The following NCAPD3 variants were observed in gnomAD, a reference collection of about 807,000 sequenced individuals.
NCAPD3 encodes the protein condensin-2 complex subunit D3.
Under a neutral mutation model 182.9 loss-of-function variants are expected in NCAPD3, and 105 were observed. That is an observed-to-expected ratio of 0.57 (90% CI 0.49 to 0.68). The LOEUF (loss-of-function observed/expected upper bound fraction) is 0.68, where lower values mean the gene tolerates loss of function less well. NCAPD3 is among the 30% of genes least tolerant of loss of function. NCAPD3 has a pLI of 0.00. For missense variants in NCAPD3, 1,944 were observed against 1,837.0 expected (o/e 1.06, Z -1.07); for synonymous variants, 815 against 679.9 (o/e 1.20, Z -3.09).
chr11:134,181,334 A>T, intron 19 of NCAPD3, 150 bp from the exon 20 acceptor site: 1 of 590,488 alleles, frequency 1.7e-6, no homozygotes, highest in Admixed American at 3.0e-5. Flanking sequence ...ATTTGTCCAA[A>T]ACCACAATGA....
At chr11:134,192,936 G>A in intron 15 of NCAPD3, 27 bp from the exon 16 acceptor site, 3 of 1,347,514 alleles carry the variant, frequency 2.2e-6, no homozygotes, top group Non-Finnish European at 3.2e-6. Context: ...TATGACATGA[G>A]AAGGTCTAAA....
chr11:134,178,804 T>C lies in NCAPD3; in HGVS notation c.2674+18A>G, dbSNP rs766439411. Reference sequence around the variant, plus strand: ...GAAACGGCATGCGTGCTACAGAGTATGATTTCAAATGCCTTACAGTGGTCA... The same window carrying C: ...GAAACGGCATGCGTGCTACAGAGTACGATTTCAAATGCCTTACAGTGGTCA... On this transcript the variant is annotated intron_variant, in intron 21 of 34. Coordinates refer to ENST00000534548, the MANE Select transcript of NCAPD3 (RefSeq NM_015261.3). 50 of 1,613,246 alleles carry C rather than the reference T, an allele frequency of 3.1e-5. No homozygotes were observed. The highest frequency in any genetic ancestry group is 4.0e-5 in the African/African-American group (3 of 74,874).
chr11:134,172,262 C>T lies in NCAPD3; in HGVS notation c.3102-3208G>A, dbSNP rs75890133. 4.2e-3 allele frequency among the ~76,000 whole-genome samples: 641 copies of T among 152,310 alleles called. 4 individuals carry two copies. Among genetic ancestry groups the T allele is most frequent in the African/African-American group, 0.015 (615 of 41,570 alleles). ...CCCCATGCAGATGAGCTACTGAATGCCCTAACTTTCTGCTTTCCTGACTTC... is the reference window on the plus strand; with the variant it reads ...CCCCATGCAGATGAGCTACTGAATGTCCTAACTTTCTGCTTTCCTGACTTC... On this transcript the variant is annotated intron_variant, in intron 24 of 34. Transcript: ENST00000534548.
intron 24 of NCAPD3, among the ~76,000 whole-genome samples, chr11:134,175,358 G>A (rs538400953): frequency 2.6e-5 from 4 of 152,308 alleles, no homozygotes; most frequent in East Asian, 1.9e-4. Context: ...AGGTAAGAGG[G>A]TGTGTGAAGC....
At position 134,177,286 on chromosome 11, in the gene NCAPD3, A is replaced by G. The variant is rs140434135; in HGVS notation, c.2954T>C (p.Met985Thr). Residue 985 changes from methionine (M) to threonine (T), a missense_variant, in exon 23 of 35, where the codon ATG (methionine) becomes ACG (threonine). Around this residue, in one of 3 missense-constraint regions of NCAPD3, gnomAD observed 1,803 missense variants for 1,674.6 expected, o/e 1.08. Transcript: ENST00000534548. Reference protein sequence around the residue: ...MVDKYIPNISMCLKDSDPFIR... With the variant: ...MVDKYIPNISTCLKDSDPFIR... ...GAATGGGTCGGAATCCTTCAGACAC[A>G]TGGAGATGTTGGGAATATACTTGTC... 3.1e-6 allele frequency: 5 copies of G among 1,614,226 alleles called. No individual in the cohort carries two copies. The highest frequency in any genetic ancestry group is 4.2e-6 in the Non-Finnish European group (5 of 1,180,040).
Position 134,196,409 on chromosome 11 carries a change from C to T in NCAPD3, c.1616-1671G>A, listed in dbSNP as rs1341986058. 4.6e-5 allele frequency among the ~76,000 whole-genome samples: 7 copies of T among 151,982 alleles called. No individual in the cohort carries two copies. In the East Asian group the frequency reaches 9.7e-4, roughly 21 times the overall value. On this transcript the variant is annotated intron_variant, in intron 13 of 34. Coordinates refer to ENST00000534548, the MANE Select transcript of NCAPD3 (RefSeq NM_015261.3). ...CTGTAATGCCAGCTCTTTGGGAGGC[C>T]GAGGTGGGTGGATCACCTGAGGTCA...
intron 27 of NCAPD3, among the ~76,000 whole-genome samples, chr11:134,165,038 G>A (rs1027949942): frequency 2.7e-5 from 4 of 150,352 alleles, no homozygotes; most frequent in South Asian, 4.2e-4. Flanking sequence ...GAGCTTAGAG[G>A]AGCTGCACAC....
At position 134,203,740 on chromosome 11, in the gene NCAPD3, C is replaced by T; in HGVS notation, c.1382G>A (p.Arg461His). The change falls in exon 11 of 35, where the codon CGC becomes CAC. Residue 461 changes from arginine (R) to histidine (H), a missense_variant. By Grantham distance (29) the Arg-to-His change is conservative (BLOSUM62 0). Transcript: ENST00000534548. ...TGCAAAGCTGGACAGTGCCTTGCTG[C>T]GGACAGTAGGCGCCTTGTCTAAGCA... ...DRCLDKAPTV[R>H]SKALSSFAHC... 1.2e-6 allele frequency: 2 copies of T among 1,614,134 alleles called. No individual in the cohort carries two copies. The highest frequency in any genetic ancestry group is 8.5e-7 in the Non-Finnish European group (1 of 1,180,028).
In NCAPD3 at chr11:134,169,040, CA is replaced by C; in HGVS notation, c.3115del (p.Cys1039AlafsTer7). 6.2e-7 allele frequency: 1 copy of C among 1,613,552 alleles called. No homozygotes were observed. Among genetic ancestry groups the C allele is most frequent in the Non-Finnish European group, 8.5e-7 (1 of 1,179,718 alleles). On this transcript the variant is annotated frameshift_variant, in exon 25 of 35. Coordinates refer to ENST00000534548, the MANE Select transcript of NCAPD3 (RefSeq NM_015261.3). LOFTEE classifies it high-confidence loss of function. ...HPDIASFGEF[C>X]LAHLLLKRNP... ...CCTCTTCAGTAACAGGTGAGCCAGG[CA>C]AAACTCCCCGAAGCTGCAAAGGTGA...
At chr11:134,208,157 A>G (rs1185722517) in intron 7 of NCAPD3, among the ~76,000 whole-genome samples, 2 of 152,210 alleles carry the variant, frequency 1.3e-5, no homozygotes, top group Non-Finnish European at 2.9e-5. Flanking sequence ...CCCCAAAAAT[A>G]TCTTCGTAAC....
intron 27 of NCAPD3, among the ~76,000 whole-genome samples, chr11:134,164,884 T>G (rs1009442818): frequency 6.7e-6 from 1 of 148,864 alleles, no homozygotes; most frequent in Admixed American, 6.7e-5. Context: ...TACTCACTTG[T>G]GACATGAGCT....
rs1057292797 is a variant in NCAPD3 at position 134,210,600 on chromosome 11, A to G, written c.383-146T>C. On this transcript the variant is annotated intron_variant, in intron 3 of 34. Transcript: ENST00000534548. ...ACCTGTAGCAAGAGTACCATTTGCA[A>G]CGTCAGCCTTAGTAGAGGAGACAGC... 4.2e-6 allele frequency: 3 copies of G among 715,302 alleles called. No homozygotes were observed. The African/African-American group carries it at 5.4e-5, about 13-fold the overall frequency. The allele number at this position is 715,302 out of a possible 1,614,324, so 44.3% of individuals were successfully genotyped here. A position where few individuals can be genotyped will look rare whatever the true frequency, so the allele number is the denominator to read the frequency against.
intron 2 of NCAPD3, among the ~76,000 whole-genome samples, chr11:134,217,856 TGA>T (rs1938082920): frequency 6.6e-6 from 1 of 152,142 alleles, no homozygotes; most frequent in Non-Finnish European, 1.5e-5. Flanking sequence ...CCCAGCACTT[TGA>T]GAGGCCAGGG....
At chr11:134,166,866 TTAGGGGAGGC>T (rs1943832421) in intron 27 of NCAPD3, among the ~76,000 whole-genome samples, 1 of 93,946 alleles carries the variant, frequency 1.1e-5, no homozygotes, top group Non-Finnish European at 2.1e-5. Flanking sequence ...TGAGAGGAGC[TTAGGGGAGGC>T]GCACACTCAC....
At chr11:134,154,859 C>T (rs534616370) in intron 32 of NCAPD3, among the ~76,000 whole-genome samples, 6 of 152,342 alleles carry the variant, frequency 3.9e-5, no homozygotes, top group African/African-American at 1.4e-4. Context: ...CCGATGGCTA[C>T]TTGAGTGTCA....
intron 19 of NCAPD3, chr11:134,183,212 G>A (rs532768748): frequency 2.4e-4 from 109 of 454,876 alleles, no homozygotes; most frequent in African/African-American, 1.8e-3. Flanking sequence ...CAGCTCTGCC[G>A]GTAGTAAGTT....
rs1591842333 is a variant in NCAPD3 at position 134,185,323 on chromosome 11, G to A, written c.2237+12C>T. Reference sequence around the variant, plus strand: ...TTCAGTGTCATTACTGGTTAAATTAGAAGATACAAACCTGCTGATTTTCTC... The same window carrying A: ...TTCAGTGTCATTACTGGTTAAATTAAAAGATACAAACCTGCTGATTTTCTC... On this transcript the variant is annotated intron_variant, in intron 17 of 34. Coordinates refer to ENST00000534548, the MANE Select transcript of NCAPD3 (RefSeq NM_015261.3). 2 of 1,586,204 alleles carry A rather than the reference G, an allele frequency of 1.3e-6. No individual in the cohort carries two copies. The highest frequency in any genetic ancestry group is 2.3e-5 in the South Asian group (2 of 86,462).
intron 29 of NCAPD3, among the ~76,000 whole-genome samples, chr11:134,159,335 C>T (rs960969555): frequency 2.0e-5 from 3 of 152,184 alleles, no homozygotes; most frequent in East Asian, 1.9e-4. Context: ...AGAATCTTCA[C>T]GTACTATGAG....
intron 8 of NCAPD3, among the ~76,000 whole-genome samples, chr11:134,205,335 T>G (rs1944827198): frequency 6.6e-6 from 1 of 152,148 alleles, no homozygotes; most frequent in East Asian, 1.9e-4. Context: ...CTCAGTGAAA[T>G]GCATTAGTAA....
Sources: gnomAD v4.1 joint callset for allele counts (sites outside exome capture counted in the v4.1 genomes callset) on GRCh38, gnomAD v4.1.1 for gene constraint, gnomAD v4.1.1 regional missense constraint, MANE v1.5 for transcripts, NCBI Gene and HGNC (gene_info 2026-07-23, HGNC 2026-07-21) for gene names.